STK38L: variants seen among roughly 807,000 people sequenced by gnomAD.
STK38L encodes serine/threonine kinase 38 like, also known as serine/threonine-protein kinase 38-like.
Under a neutral mutation model 59.7 loss-of-function variants are expected in STK38L, and 28 were observed. The ratio of observed to expected loss-of-function variants is 0.47; its 90% CI spans 0.35 to 0.64. The LOEUF (loss-of-function observed/expected upper bound fraction) is 0.64. Among genes scored for constraint, STK38L ranks in the 30% least tolerant of loss-of-function variants. STK38L has a pLI of 0.01. For synonymous variants in STK38L, 162 were observed against 176.8 expected (o/e 0.92, Z 0.66); for missense variants, 314 against 555.8 (o/e 0.56, Z 4.37).
At chr12:27,264,277 A>G (rs1293584856) in intron 1 of STK38L, among the ~76,000 whole-genome samples, 2 of 152,172 alleles carry the variant, frequency 1.3e-5, no homozygotes, top group Non-Finnish European at 2.9e-5. Flanking sequence ...GAATGCTGGT[A>G]AGTAATGTTA....
intron 1 of STK38L, among the ~76,000 whole-genome samples, chr12:27,271,173 A>G (rs1379220406): frequency 6.6e-6 from 1 of 152,262 alleles, no homozygotes; most frequent in Non-Finnish European, 1.5e-5. Flanking sequence ...CACAGCCAGC[A>G]GGAATGGAAT....
intron 1 of STK38L, among the ~76,000 whole-genome samples, chr12:27,291,681 C>T (rs986085945): frequency 7.2e-5 from 11 of 152,150 alleles, no homozygotes; most frequent in African/African-American, 2.4e-4. Context: ...GCTGCCCTTT[C>T]GTTAGGGACC....
At position 27,322,569 on chromosome 12, in the gene STK38L, C is replaced by T. The variant is rs374859207; in HGVS notation, c.*114C>T. 1 of 1,376,276 alleles carries T rather than the reference C, an allele frequency of 7.3e-7. No homozygotes were observed. The highest frequency in any genetic ancestry group is 9.6e-7 in the Non-Finnish European group (1 of 1,040,400). 85.3% of individuals were successfully genotyped at this position (1,376,276 alleles called of 1,614,324 possible). ...TCCTGAAGATGGTGGTGCTTATTGA[C>T]TACAAGAGGAAATTCTACAGGATTA... On this transcript the variant is annotated 3_prime_UTR_variant, in exon 14 of 14. Coordinates refer to ENST00000389032, the MANE Select transcript of STK38L (RefSeq NM_015000.4).
At chr12:27,275,636 G>A (rs185835855) in intron 1 of STK38L, among the ~76,000 whole-genome samples, 2 of 152,250 alleles carry the variant, frequency 1.3e-5, no homozygotes, top group Admixed American at 6.5e-5. Context: ...ACCACGCCCG[G>A]ACTGATTAGA....
Position 27,319,285 on chromosome 12 carries a change from G to T in STK38L, c.1080-43G>T. The stretch of plus-strand genomic sequence containing the variant: ...GAAGTAATGCAGCTAGAATACTTTA[G>T]ATGTAACTTGTGTATGATAATTTCT... On this transcript the variant is annotated intron_variant, in intron 11 of 13. Transcript: ENST00000389032. The T allele has an allele frequency of 2.3e-6, 3 of 1,300,958 alleles. No individual in the cohort carries two copies. The South Asian group carries it at 3.7e-5, about 16-fold the overall frequency. 80.6% of individuals were successfully genotyped at this position (1,300,958 alleles called of 1,614,324 possible).
At chr12:27,305,989 T>A (rs972505930) in intron 3 of STK38L, among the ~76,000 whole-genome samples, 1 of 152,168 alleles carries the variant, frequency 6.6e-6, no homozygotes, top group Non-Finnish European at 1.5e-5. Flanking sequence ...ATTTTTTTTT[T>A]AACATGAATT....
chr12:27,319,082 TAGTA>T lies in STK38L; in HGVS notation c.1080-244_1080-241del, dbSNP rs377499525. On this transcript the variant is annotated intron_variant, in intron 11 of 13. Transcript: ENST00000389032. ...CAAGTGAAAAAAAGCAGACCTAACATAGTAACTATGGTAGCAACACAGTATTTTT... is the reference window on the plus strand; with the variant it reads ...CAAGTGAAAAAAAGCAGACCTAACATACTATGGTAGCAACACAGTATTTTT... 3.7e-4 allele frequency among the ~76,000 whole-genome samples: 57 copies of T among 152,314 alleles called. 1 individual carries two copies. Among genetic ancestry groups the T allele is most frequent in the African/African-American group, 1.1e-3 (45 of 41,562 alleles).
At chr12:27,253,005 G>A (rs1006765751) in intron 1 of STK38L, among the ~76,000 whole-genome samples, 1 of 152,192 alleles carries the variant, frequency 6.6e-6, no homozygotes, top group African/African-American at 2.4e-5. Context: ...CGGAGTAACA[G>A]GGTACTGTGG....
chr12:27,277,564 C>A (rs1294433870), intron 1 of STK38L, among the ~76,000 whole-genome samples: 1 of 152,068 alleles, frequency 6.6e-6, no homozygotes, highest in Non-Finnish European at 1.5e-5. Flanking sequence ...GAGCTGTCTA[C>A]CCTGAGTAAT....
chr12:27,264,890 A>G (rs1943271457), intron 1 of STK38L, among the ~76,000 whole-genome samples: 1 of 152,354 alleles, frequency 6.6e-6, no homozygotes, highest in Admixed American at 6.5e-5. Flanking sequence ...CAGCTAGACA[A>G]GACTGGCTGT....
Position 27,323,858 on chromosome 12 carries a change from A to G in STK38L, c.*1403A>G, listed in dbSNP as rs1393014006. On this transcript the variant is annotated 3_prime_UTR_variant, in exon 14 of 14. Transcript: ENST00000389032. Reference sequence around the variant, plus strand: ...CAAACAACTCTGAGGTTTTGGTTTCATTAGTAATAGTTGAGGAATAATATA... The same window carrying G: ...CAAACAACTCTGAGGTTTTGGTTTCGTTAGTAATAGTTGAGGAATAATATA... 6.6e-6 allele frequency: 1 copy of G among 152,136 alleles called. No individual in the cohort carries two copies. The highest frequency in any genetic ancestry group is 1.5e-5 in the Non-Finnish European group (1 of 67,962). 9.4% of individuals were successfully genotyped at this position (152,136 alleles called of 1,614,324 possible).
At chr12:27,264,784 T>C (rs1041617419) in intron 1 of STK38L, among the ~76,000 whole-genome samples, 1 of 152,190 alleles carries the variant, frequency 6.6e-6, no homozygotes, top group Non-Finnish European at 1.5e-5. Context: ...GATTTTGGTA[T>C]ACAAGGGGGA....
intron 1 of STK38L, among the ~76,000 whole-genome samples, chr12:27,295,239 A>T (rs554613330): frequency 6.6e-6 from 1 of 152,336 alleles, no homozygotes; most frequent in African/African-American, 2.4e-5. Flanking sequence ...GGTGCCTAGA[A>T]TAGTATCTTA....
intron 2 of STK38L, among the ~76,000 whole-genome samples, chr12:27,299,233 C>A (rs779473352): frequency 6.6e-6 from 1 of 152,032 alleles, no homozygotes; most frequent in Admixed American, 6.6e-5. Context: ...TAATTTTGGA[C>A]GGATTTAACT....
chr12:27,291,038 T>G (rs556612507), intron 1 of STK38L, among the ~76,000 whole-genome samples: 1 of 152,128 alleles, frequency 6.6e-6, no homozygotes, highest in African/African-American at 2.4e-5. Context: ...CTATCCGAAG[T>G]GCAAATCAGA....
At chr12:27,314,282 T>A (rs548168880) in intron 6 of STK38L, among the ~76,000 whole-genome samples, 88 of 151,586 alleles carry the variant, frequency 5.8e-4, no homozygotes, top group Admixed American at 5.3e-4. Context: ...ACACCTGTAA[T>A]CTCAGCTACT....
intron 1 of STK38L, among the ~76,000 whole-genome samples, chr12:27,256,084 A>G (rs754650387): frequency 6.6e-5 from 10 of 152,052 alleles, no homozygotes; most frequent in Non-Finnish European, 1.3e-4. Flanking sequence ...TTCCTTAACT[A>G]TGTCTTGAAC....
chr12:27,271,734 C>G (rs536354279), intron 1 of STK38L, among the ~76,000 whole-genome samples: 7 of 152,280 alleles, frequency 4.6e-5, no homozygotes, highest in African/African-American at 1.7e-4. Flanking sequence ...GAGTTTTGCT[C>G]TGTCACCCAG....
chr12:27,290,601 C>T (rs1016095555), intron 1 of STK38L, among the ~76,000 whole-genome samples: 3 of 152,206 alleles, frequency 2.0e-5, no homozygotes, highest in African/African-American at 7.2e-5. Context: ...GGCTTCTTCA[C>T]TTCTGCTACT....
Sources: gnomAD v4.1 joint callset for allele counts (sites outside exome capture counted in the v4.1 genomes callset) on GRCh38, gnomAD v4.1.1 for gene constraint, MANE v1.5 for transcripts, NCBI Gene and HGNC (gene_info 2026-07-23, HGNC 2026-07-21) for gene names.